Variants in TCN2 observed in about 807,000 individuals in gnomAD.
TCN2 encodes transcobalamin-2.
Under a neutral mutation model 48.6 loss-of-function variants are expected in TCN2, and 34 were observed. The ratio of observed to expected loss-of-function variants is 0.70; its 90% CI spans 0.53 to 0.93. The LOEUF is 0.93. Ranked by LOEUF, TCN2 falls within the 40% of genes least tolerant of loss-of-function variation. The probability of loss-of-function intolerance (pLI) is 0.00; values close to 1 mark genes in which losing one functional copy is unlikely to be tolerated. For missense variants in TCN2, 652 were observed against 526.1 expected, an observed-to-expected ratio of 1.24 and a Z score of -2.34; for synonymous variants, 283 against 212.5, an observed-to-expected ratio of 1.33 and a Z score of -2.89.
chr22:30,608,295 A>G (rs2087483237), intron 1 of TCN2, among the ~76,000 whole-genome samples: 1 of 152,204 alleles, frequency 6.6e-6, no homozygotes, highest in Non-Finnish European at 1.5e-5. Flanking sequence ...GAAGAAGTCG[A>G]GGGTTGGAGG....
rs1569047046 is a variant in TCN2 at position 30,623,977 on chromosome 22, T to TGTATACATATATACACAC, written c.1222+894_1222+895insGTATACATATATACACAC. Among the ~76,000 whole-genome samples the TGTATACATATATACACAC allele has an allele frequency of 3.0e-4, 21 of 71,046 alleles. 7 individuals are homozygous for TGTATACATATATACACAC. Among genetic ancestry groups the TGTATACATATATACACAC allele is most frequent in the Non-Finnish European group, 5.2e-4 (17 of 32,412 alleles). 46.6% of individuals were successfully genotyped at this position (71,046 alleles called of 152,430 possible). On this transcript the variant is annotated intron_variant, in intron 8 of 8. Transcript: ENST00000215838. ...GTATACATATATACACACACATATA[T>TGTATACATATATACACAC]ATGTATACATATATACACACATATA...
chr22:30,614,763 G>T (rs995536691), intron 4 of TCN2, among the ~76,000 whole-genome samples: 1 of 152,152 alleles, frequency 6.6e-6, no homozygotes, highest in African/African-American at 2.4e-5. Context: ...AAAAAAGTTA[G>T]CCGGGCATGG....
intron 6 of TCN2, 32 bp from the exon 7 acceptor site, chr22:30,617,298 A>G (rs1407628604): frequency 6.2e-7 from 1 of 1,614,024 alleles, no homozygotes; most frequent in Non-Finnish European, 8.5e-7. Flanking sequence ...CTGTCCTCAC[A>G]CCAGCTGCCC....
chr22:30,624,354 G>T (rs12485165), intron 8 of TCN2, among the ~76,000 whole-genome samples: 22,327 of 151,748 alleles, frequency 0.15, 1,827 homozygotes, highest in African/African-American at 0.2. Flanking sequence ...GATTACAGGC[G>T]TGAGCCACCA....
chr22:30,609,621 A>G (rs1004664458), intron 1 of TCN2, among the ~76,000 whole-genome samples: 10 of 152,182 alleles, frequency 6.6e-5, no homozygotes, highest in African/African-American at 2.4e-4. Flanking sequence ...ACACAGGCTG[A>G]GAGAGACTGA....
rs200483369 is a variant in TCN2 at position 30,613,040 on chromosome 22, T to C, written c.425T>C (p.Ile142Thr). The change falls in exon 3 of 9, where the codon ATT (isoleucine) becomes ACT (threonine). Residue 142 changes from isoleucine (I) to threonine (T), a missense_variant and splice_region_variant. Physicochemically the swap from Ile to Thr is moderately conservative, Grantham distance 89 (BLOSUM62 -1). Coordinates refer to ENST00000215838, the MANE Select transcript of TCN2 (RefSeq NM_000355.4). ...KWFLEDEKRA[I>T]GHDHKGHPHT... is the part of the protein sequence containing the mutation. ...TTCCTGGAGGATGAGAAGAGAGCCA[T>C]TGGTGAGCAGACACCATCCGCTGGG... The C allele has an allele frequency of 1.1e-5, 18 of 1,613,914 alleles. 1 individual carries two copies. The highest frequency in any genetic ancestry group is 6.7e-5 in the Admixed American group (4 of 60,014).
intron 8 of TCN2, among the ~76,000 whole-genome samples, chr22:30,626,090 G>T (rs939239034): frequency 1.3e-5 from 2 of 152,038 alleles, no homozygotes; most frequent in Non-Finnish European, 2.9e-5. Flanking sequence ...GAATCCAGGC[G>T]TCCTCCTAGA....
chr22:30,626,633 T>G lies in TCN2; in HGVS notation c.*112T>G, dbSNP rs2087815317. 8.4e-7 allele frequency: 1 copy of G among 1,196,984 alleles called. No individual in the cohort carries two copies. The highest frequency in any genetic ancestry group is 1.2e-6 in the Non-Finnish European group (1 of 819,276). 74.1% of individuals were successfully genotyped at this position (1,196,984 alleles called of 1,614,324 possible). On this transcript the variant is annotated 3_prime_UTR_variant, in exon 9 of 9. Transcript: ENST00000215838. Reference sequence around the variant, plus strand: ...GACCCTGCTGCCACCTCCTGTGCACTTTGAGCAATGCCCCCTGGGATCACC... The same window carrying G: ...GACCCTGCTGCCACCTCCTGTGCACGTTGAGCAATGCCCCCTGGGATCACC...
chr22:30,616,803 G>A (rs1039784106), intron 6 of TCN2, among the ~76,000 whole-genome samples: 2 of 152,030 alleles, frequency 1.3e-5, no homozygotes, highest in Admixed American at 1.3e-4. Context: ...TCTGTCTCCA[G>A]AAAAAACAAG....
intron 7 of TCN2, among the ~76,000 whole-genome samples, chr22:30,620,166 A>C (rs1178329383): frequency 6.6e-6 from 1 of 151,866 alleles, no homozygotes; most frequent in Non-Finnish European, 1.5e-5. Flanking sequence ...TTTAAAAGAC[A>C]AAGGGCTGAG....
intron 8 of TCN2, among the ~76,000 whole-genome samples, chr22:30,624,882 A>T (rs764813995): frequency 2.0e-5 from 3 of 152,202 alleles, no homozygotes; most frequent in Non-Finnish European, 4.4e-5. Context: ...AGTCCATTGA[A>T]GCTGCTATTA....
chr22:30,615,473 G>A lies in TCN2; in HGVS notation c.753G>A (p.Gln251=). 1 of 1,614,106 alleles carries A rather than the reference G, an allele frequency of 6.2e-7. No individual in the cohort carries two copies. The highest frequency in any genetic ancestry group is 8.5e-7 in the Non-Finnish European group (1 of 1,180,034). The change falls in exon 5 of 9, where the codon CAG becomes CAA. Residue 251 remains glutamine, a splice_region_variant and synonymous_variant. Transcript: ENST00000215838. ...GNVYSTPLAL[Q]FLMTSPMRGA... ...TCTACAGCACCCCATTGGCATTACA[G>A]GTGGGAAAGAGACCCTGGAGCCATG...
intron 7 of TCN2, among the ~76,000 whole-genome samples, chr22:30,621,569 G>A (rs574304397): frequency 1.3e-4 from 20 of 152,004 alleles, no homozygotes; most frequent in Non-Finnish European, 2.2e-4. Flanking sequence ...TGCAACCTCC[G>A]CCTACTAGGT....
intron 2 of TCN2, among the ~76,000 whole-genome samples, chr22:30,612,092 A>G (rs543365012): frequency 1.1e-4 from 17 of 152,052 alleles, no homozygotes; most frequent in Non-Finnish European, 2.5e-4. Flanking sequence ...AAAAAGAAAA[A>G]AAATGAGCCA....
chr22:30,611,613 T>G (rs2087542905), intron 2 of TCN2, among the ~76,000 whole-genome samples: 2 of 152,232 alleles, frequency 1.3e-5, no homozygotes, highest in South Asian at 4.1e-4. Context: ...GTTCAAGTGA[T>G]TCTCGTGCCT....
intron 8 of TCN2, among the ~76,000 whole-genome samples, chr22:30,626,253 A>G (rs529466605): frequency 8.6e-5 from 13 of 151,890 alleles, no homozygotes; most frequent in Admixed American, 8.5e-4. Flanking sequence ...TGTTTTTATT[A>G]CCAGATGAGG....
intron 8 of TCN2, among the ~76,000 whole-genome samples, chr22:30,625,222 A>G (rs997551584): frequency 7.9e-5 from 12 of 152,150 alleles, no homozygotes; most frequent in African/African-American, 2.9e-4. Context: ...CCATCTCAAA[A>G]TGAAATAAAA....
At chr22:30,607,535 A>G (rs549987353) in intron 1 of TCN2, 140 bp downstream of exon 1, 3 of 771,316 alleles carry the variant, frequency 3.9e-6, no homozygotes, top group Non-Finnish European at 6.4e-6. Flanking sequence ...CATTTAACAC[A>G]TCCTATTGTG....
chr22:30,613,357 G>A (rs1423690574), intron 3 of TCN2, among the ~76,000 whole-genome samples: 5 of 152,116 alleles, frequency 3.3e-5, no homozygotes, highest in African/African-American at 7.2e-5. Context: ...TCAGCTCACC[G>A]CAATCTCTGC....
Sources: gnomAD v4.1 joint callset for allele counts (sites outside exome capture counted in the v4.1 genomes callset) on GRCh38, gnomAD v4.1.1 for gene constraint, MANE v1.5 for transcripts, NCBI Gene and HGNC (gene_info 2026-07-23, HGNC 2026-07-21) for gene names.